Variants in CDC42EP1 observed in about 807,000 individuals in gnomAD.
The protein encoded by CDC42EP1 is CDC42 effector protein 1, also known as 55 kDa bone marrow stromal/endothelial cell protein.
CDC42EP1 carries 6 observed loss-of-function variants against 7.4 expected under a neutral mutation model. The observed-to-expected ratio is 0.81, with a 90% confidence interval of 0.44 to 1.60. The LOEUF (loss-of-function observed/expected upper bound fraction) is 1.60. CDC42EP1 is among the 40% of genes most tolerant of loss of function. The pLI is 0.01. For synonymous variants in CDC42EP1, 238 were observed against 227.1 expected (o/e 1.05, Z -0.43); for missense variants, 567 against 539.0 (o/e 1.05, Z -0.51).
At chr22:37,564,495 G>A (rs1925153731) in intron 1 of CDC42EP1, 1 of 152,230 alleles carries the variant, frequency 6.6e-6, no homozygotes, top group Admixed American at 6.5e-5. Flanking sequence ...GAAGGTGGAT[G>A]GTTCAGAGGA....
rs779016798 is a variant in CDC42EP1, at chr22:37,568,483, C to T, written c.839C>T (p.Ser280Phe). The T allele has an allele frequency of 6.2e-7, 1 of 1,607,748 alleles. No homozygotes were observed. Among genetic ancestry groups the T allele is most frequent in the South Asian group, 1.1e-5 (1 of 90,112 alleles). Residue 280 changes from serine to phenylalanine, a missense_variant, in exon 3 of 3, where the codon TCC (serine) becomes TTC (phenylalanine). By Grantham distance (155) the Ser-to-Phe change is radical. Coordinates refer to ENST00000249014, the MANE Select transcript of CDC42EP1 (RefSeq NM_152243.3). ...AANPPAPAAS[S>F]TPHGHCPNGV... ...AATCCCCCAGCCCCTGCCGCAAGCT[C>T]CACACCCCATGGACACTGTCCCAAT...
At chr22:37,563,467 C>G (rs1158625216) in intron 1 of CDC42EP1, among the ~76,000 whole-genome samples, 1 of 151,944 alleles carries the variant, frequency 6.6e-6, no homozygotes, top group African/African-American at 2.4e-5. Context: ...CCGGGGGTGC[C>G]AGGGAGGGAA....
chr22:37,565,579 T>G (rs907837747), intron 1 of CDC42EP1: 12 of 137,612 alleles, frequency 8.7e-5, no homozygotes, highest in South Asian at 2.4e-4. Context: ...TTTTTTTTTT[T>G]TTTTTTTTTT....
intron 2 of CDC42EP1, among the ~76,000 whole-genome samples, chr22:37,567,778 G>A (rs1925298418): frequency 6.6e-6 from 1 of 152,222 alleles, no homozygotes; most frequent in African/African-American, 2.4e-5. Context: ...AGTTGGGACT[G>A]AGAGGAGATT....
rs1925406035 is a variant in CDC42EP1, at chr22:37,569,348, GC to G, written c.*530del. On this transcript the variant is annotated 3_prime_UTR_variant, in exon 3 of 3. Coordinates refer to ENST00000249014, the MANE Select transcript of CDC42EP1 (RefSeq NM_152243.3). ...GACCTCCCGGGGAGGAATCCCACCTGCCTGTATACCCCAGACTTGCCTCTGG... is the reference window on the plus strand; with the variant it reads ...GACCTCCCGGGGAGGAATCCCACCTGCTGTATACCCCAGACTTGCCTCTGG... 1 of 152,596 alleles carries G rather than the reference GC, an allele frequency of 6.6e-6. No individual in the cohort carries two copies. Among genetic ancestry groups the G allele is most frequent in the South Asian group, 2.1e-4 (1 of 4,832 alleles). The allele number at this position is 152,596 out of a possible 1,614,324, so 9.5% of individuals were successfully genotyped here. A position where few individuals can be genotyped will look rare whatever the true frequency, so the allele number is the denominator to read the frequency against.
chr22:37,565,482 C>T (rs1925196761), intron 1 of CDC42EP1: 1 of 151,308 alleles, frequency 6.6e-6, no homozygotes. Flanking sequence ...TATTTGTCCC[C>T]TATTCAGTCA....
In CDC42EP1 at chr22:37,568,277, A is replaced by G. The variant is rs1017135033; in HGVS notation, c.633A>G (p.Leu211=). 2.5e-6 allele frequency: 4 copies of G among 1,613,468 alleles called. No individual in the cohort carries two copies. Among genetic ancestry groups the G allele is most frequent in the South Asian group, 2.2e-5 (2 of 91,080 alleles). The change falls in exon 3 of 3, where the codon CTA becomes CTG. Residue 211 remains leucine (L), a synonymous_variant. Transcript: ENST00000249014. ...DLGPSLLSEL[L]GVMSLPEAPA... is the part of the protein sequence containing the mutation. ...GGCCCTCACTCCTCAGCGAGCTGCT[A>G]GGGGTCATGAGCCTCCCAGAAGCCC... is the stretch of plus-strand genomic sequence containing the variant.
chr22:37,568,226 G>C lies in CDC42EP1; in HGVS notation c.582G>C (p.Leu194Phe). Residue 194 changes from leucine (L) to phenylalanine (F), a missense_variant, in exon 3 of 3, where the codon TTG becomes TTC. Coordinates refer to ENST00000249014, the MANE Select transcript of CDC42EP1 (RefSeq NM_152243.3). The stretch of plus-strand genomic sequence containing the variant: ...GGCTTCGCCGCTCTGACTCTCTCTT[G>C]TCCTTCCGCCTGGACCTCGACCTTG... ...EPGLRRSDSL[L>F]SFRLDLDLGP... 6.2e-7 allele frequency: 1 copy of C among 1,613,878 alleles called. No individual in the cohort carries two copies. Among genetic ancestry groups the C allele is most frequent in the Non-Finnish European group, 8.5e-7 (1 of 1,179,982 alleles).
chr22:37,563,478 G>A (rs373889623), intron 1 of CDC42EP1, among the ~76,000 whole-genome samples: 1 of 152,172 alleles, frequency 6.6e-6, no homozygotes, highest in African/African-American at 2.4e-5. Flanking sequence ...AGGGAGGGAA[G>A]AAGATGATTC....
Position 37,564,012 on chromosome 22 carries a change from G to A in CDC42EP1, c.-278-2060G>A, listed in dbSNP as rs988363726. Among the ~76,000 whole-genome samples, 3 of 152,218 alleles carry A rather than the reference G, an allele frequency of 2.0e-5. No individual in the cohort carries two copies. In the East Asian group the frequency reaches 5.8e-4, roughly 29 times the overall value. ...ACCCTCCAAGTGCATTGCCGATCTC[G>A]GGAGGCGAGACTGGGCTCCACAAGC... On this transcript the variant is annotated intron_variant, in intron 1 of 2. Coordinates refer to ENST00000249014, the MANE Select transcript of CDC42EP1 (RefSeq NM_152243.3).
At chr22:37,563,114 G>GA (rs369498995) in intron 1 of CDC42EP1, among the ~76,000 whole-genome samples, 99 of 140,364 alleles carry the variant, frequency 7.1e-4, no homozygotes, top group African/African-American at 1.2e-3. Context: ...CCTCAAAAAA[G>GA]AAAAAAAAAA....
chr22:37,565,347 C>T (rs1214628074), intron 1 of CDC42EP1, among the ~76,000 whole-genome samples: 1 of 151,834 alleles, frequency 6.6e-6, no homozygotes, highest in East Asian at 1.9e-4. Context: ...ACCACCACAC[C>T]CAACTAATTT....
intron 1 of CDC42EP1, among the ~76,000 whole-genome samples, chr22:37,565,387 T>G (rs1441098732): frequency 6.6e-6 from 1 of 151,736 alleles, no homozygotes; most frequent in Admixed American, 6.6e-5. Flanking sequence ...AAACCAGGTC[T>G]CATTATGTTG....
At position 37,566,475 on chromosome 22, in the gene CDC42EP1, C is replaced by T. The variant is rs774551485; in HGVS notation, c.126C>T (p.Leu42=). Residue 42 remains leucine (L), a synonymous_variant, in exon 2 of 3, where the codon CTC becomes CTT. Transcript: ENST00000249014. This position sits in a 1 kb window ranked among gnomAD's most constrained non-coding sequence, Gnocchi z 6.4. Reference sequence around the variant, plus strand: ...CTGCAGACATGATCAGCCACCCACTCGGGGACTTCCGCCACACCATGCATG... The same window carrying T: ...CTGCAGACATGATCAGCCACCCACTTGGGGACTTCCGCCACACCATGCATG... ...RLTADMISHP[L]GDFRHTMHVG... 2 of 1,613,148 alleles carry T rather than the reference C, an allele frequency of 1.2e-6. No individual in the cohort carries two copies. The highest frequency in any genetic ancestry group is 1.7e-6 in the Non-Finnish European group (2 of 1,179,674).
chr22:37,564,910 C>T (rs1925172439), intron 1 of CDC42EP1, among the ~76,000 whole-genome samples: 1 of 152,126 alleles, frequency 6.6e-6, no homozygotes, highest in African/African-American at 2.4e-5. Flanking sequence ...TCCTGAGTAG[C>T]TGGGATTACA....
At position 37,566,283 on chromosome 22, in the gene CDC42EP1, G is replaced by GC. The variant is rs1157412349; in HGVS notation, c.-64dup. On this transcript the variant is annotated 5_prime_UTR_variant, in exon 2 of 3. Coordinates refer to ENST00000249014, the MANE Select transcript of CDC42EP1 (RefSeq NM_152243.3). This position sits in a 1 kb window ranked among gnomAD's most constrained non-coding sequence, Gnocchi z 6.4. ...CAAAGGAGCTGAGCAGCCATCCCAA[G>GC]CCCAGCCCACCTCCCTCCCCCGGCC... The GC allele has an allele frequency of 1.1e-6, 1 of 871,694 alleles. No homozygotes were observed. 54.0% of individuals were successfully genotyped at this position (871,694 alleles called of 1,614,324 possible).
In CDC42EP1 at chr22:37,566,123, T is replaced by C; in HGVS notation, c.-227T>C. The C allele has an allele frequency of 2.4e-6, 1 of 408,838 alleles. No individual in the cohort carries two copies. The highest frequency in any genetic ancestry group is 4.3e-6 in the Non-Finnish European group (1 of 231,490). The allele number at this position is 408,838 out of a possible 1,614,324, so 25.3% of individuals were successfully genotyped here. On this transcript the variant is annotated 5_prime_UTR_variant, in exon 2 of 3. Transcript: ENST00000249014. This position sits in a 1 kb window ranked among gnomAD's most constrained non-coding sequence, Gnocchi z 6.4. The stretch of plus-strand genomic sequence containing the variant: ...CCGACCACCTCGGGGGTGCTTTCTC[T>C]GCGCTTGAACATCTATAGCTGCTTC...
intron 1 of CDC42EP1, among the ~76,000 whole-genome samples, chr22:37,564,915 A>T (rs1236504950): frequency 6.6e-6 from 1 of 151,954 alleles, no homozygotes; most frequent in Non-Finnish European, 1.5e-5. Flanking sequence ...AGTAGCTGGG[A>T]TTACAGGCGC....
At chr22:37,563,998 G>A (rs115545748) in intron 1 of CDC42EP1, among the ~76,000 whole-genome samples, 106 of 152,330 alleles carry the variant, frequency 7.0e-4, no homozygotes, top group African/African-American at 2.5e-3. Flanking sequence ...CCCTCCAAGT[G>A]CATTGCCGAT....
Sources: allele counts gnomAD v4.1 joint callset (sites outside exome capture counted in the v4.1 genomes callset), GRCh38; gene constraint gnomAD v4.1.1; non-coding constraint Gnocchi (gnomAD v3.1); transcripts MANE v1.5; gene names NCBI Gene and HGNC (gene_info 2026-07-23, HGNC 2026-07-21).